Variants in SETBP1 observed in about 807,000 individuals in gnomAD.
SETBP1 encodes the protein SET binding protein 1, also known as SET-binding protein.
SETBP1 carries 9 observed loss-of-function variants against 101.0 expected under a neutral mutation model. The ratio of observed to expected loss-of-function variants is 0.09; its 90% CI spans 0.05 to 0.16. The LOEUF (loss-of-function observed/expected upper bound fraction) is 0.16, where lower values mean the gene tolerates loss of function less well. SETBP1 is among the 10% of genes least tolerant of loss of function. The pLI is 1.00. For missense variants in SETBP1, 1,858 were observed against 2,033.8 expected (o/e 0.91, Z 1.66); for synonymous variants, 818 against 788.5 (o/e 1.04, Z -0.63).
intron 2 of SETBP1, among the ~76,000 whole-genome samples, chr18:44,744,292 C>G (rs564821117): frequency 1.8e-4 from 27 of 152,358 alleles, no homozygotes; most frequent in Admixed American, 6.5e-4. Context: ...CCTGCTCCCC[C>G]CTTCCCTGCA....
chr18:44,959,391 A>G (rs938953486), intron 4 of SETBP1, among the ~76,000 whole-genome samples: 3 of 152,266 alleles, frequency 2.0e-5, no homozygotes, highest in Admixed American at 1.3e-4. Flanking sequence ...GGCTTGAGCC[A>G]GTATAGCACT....
At chr18:44,839,329 ACCCCGGGGGATGGGCAGACTGG>A in intron 2 of SETBP1, among the ~76,000 whole-genome samples, 1 of 152,224 alleles carries the variant, frequency 6.6e-6, no homozygotes, top group African/African-American at 2.4e-5. Context: ...CACTTCCGTC[ACCCCGGGGGATGGGCAGACTGG>A]TGTGTGAATG....
At chr18:44,697,913 T>C (rs765017060) in intron 1 of SETBP1, among the ~76,000 whole-genome samples, 8 of 152,186 alleles carry the variant, frequency 5.3e-5, no homozygotes, top group Non-Finnish European at 1.0e-4. Flanking sequence ...GGAACACCAA[T>C]TGCATGGCCG....
In SETBP1 at chr18:44,965,338, T is replaced by C. The variant is rs375687926; in HGVS notation, c.4000+11998T>C. 2.8e-3 allele frequency among the ~76,000 whole-genome samples: 418 copies of C among 149,134 alleles called. 3 individuals carry two copies. Among genetic ancestry groups the C allele is most frequent in the African/African-American group, 9.8e-3 (395 of 40,488 alleles). On this transcript the variant is annotated intron_variant, in intron 4 of 5. Transcript: ENST00000649279. ...AGATCACTCAGAACAAATCAAGTTA[T>C]GGATACTCTCATTGGTCAGTGTTGC...
chr18:44,953,179 T>A lies in SETBP1; in HGVS notation c.3839T>A (p.Val1280Glu). 1.2e-6 allele frequency: 2 copies of A among 1,614,024 alleles called. No individual in the cohort carries two copies. Among genetic ancestry groups the A allele is most frequent in the Non-Finnish European group, 1.7e-6 (2 of 1,180,004 alleles). ...AGCACGAGATCAGAGAACCTGGACGTGTTCAGTGAAATGAACCCTTCGAAT... is the reference window on the plus strand; with the variant it reads ...AGCACGAGATCAGAGAACCTGGACGAGTTCAGTGAAATGAACCCTTCGAAT... ...GGSTRSENLD[V>E]FSEMNPSNDK... Residue 1280 changes from valine (V) to glutamate (E), a missense_variant, in exon 4 of 6, where the codon GTG becomes GAG. This residue lies in a region of SETBP1 where 417 missense variants were observed against 389.1 expected (regional missense o/e 1.07). Transcript: ENST00000649279.
chr18:44,928,133 A>G (rs931988233), intron 3 of SETBP1, among the ~76,000 whole-genome samples: 6 of 152,114 alleles, frequency 3.9e-5, no homozygotes, highest in African/African-American at 9.7e-5. Flanking sequence ...CCTGTGTCCA[A>G]GTGTTCTCAT....
chr18:44,934,475 A>C (rs1468250935), intron 3 of SETBP1, among the ~76,000 whole-genome samples: 1 of 152,162 alleles, frequency 6.6e-6, no homozygotes, highest in East Asian at 1.9e-4. Context: ...GAAGTAGAGA[A>C]GATAAGTAAC....
At chr18:45,035,250 A>G (rs1015049792) in intron 4 of SETBP1, among the ~76,000 whole-genome samples, 3 of 152,188 alleles carry the variant, frequency 2.0e-5, no homozygotes, top group Admixed American at 1.3e-4. Context: ...TTATCCTTTC[A>G]AAATCCAAAA....
At chr18:45,024,593 T>G (rs2073128801) in intron 4 of SETBP1, among the ~76,000 whole-genome samples, 1 of 152,212 alleles carries the variant, frequency 6.6e-6, no homozygotes, top group African/African-American at 2.4e-5. Flanking sequence ...CAGACACAGT[T>G]ACTATTAAAA....
intron 2 of SETBP1, among the ~76,000 whole-genome samples, chr18:44,762,567 T>C (rs1340653862): frequency 6.6e-6 from 1 of 152,154 alleles, no homozygotes; most frequent in African/African-American, 2.4e-5. Context: ...GTTGACAGGG[T>C]ATATTGTGAA....
intron 4 of SETBP1, among the ~76,000 whole-genome samples, chr18:45,005,813 A>AT (rs901703640): frequency 1.3e-5 from 2 of 150,552 alleles, no homozygotes; most frequent in African/African-American, 4.9e-5. Flanking sequence ...CGCCCGGCTA[A>AT]TTTTTTGTAT....
At position 45,067,643 on chromosome 18, in the gene SETBP1, TC is replaced by T. The variant is rs1267486669; in HGVS notation, c.*3946del. On this transcript the variant is annotated 3_prime_UTR_variant, in exon 6 of 6. Coordinates refer to ENST00000649279, the MANE Select transcript of SETBP1 (RefSeq NM_015559.3). ...TAATGTCATCACAGTGCCTAGAAAC[TC>T]GAACTGTAATATATCGTAGCATTTT... 34 of 152,218 alleles carry T rather than the reference TC, an allele frequency of 2.2e-4. No individual in the cohort carries two copies. Among genetic ancestry groups the T allele is most frequent in the African/African-American group, 8.2e-4 (34 of 41,460 alleles). The allele number at this position is 152,218 out of a possible 1,614,324, so 9.4% of individuals were successfully genotyped here.
chr18:44,747,310 C>T (rs2070277787), intron 2 of SETBP1, among the ~76,000 whole-genome samples: 4 of 152,204 alleles, frequency 2.6e-5, no homozygotes, highest in Admixed American at 2.6e-4. Context: ...ACTATAGGCT[C>T]ACACTTCTGG....
At chr18:44,940,700 T>C (rs2071068697) in intron 3 of SETBP1, among the ~76,000 whole-genome samples, 1 of 152,218 alleles carries the variant, frequency 6.6e-6, no homozygotes, top group South Asian at 2.1e-4. Flanking sequence ...TTTCTACAAA[T>C]GTCATAAATC....
At chr18:44,984,156 G>A (rs2072177184) in intron 4 of SETBP1, among the ~76,000 whole-genome samples, 1 of 152,254 alleles carries the variant, frequency 6.6e-6, no homozygotes, top group South Asian at 2.1e-4. Context: ...AGCTGAGGTT[G>A]CACTCTAGCC....
chr18:44,764,269 C>G (rs973215988), intron 2 of SETBP1, among the ~76,000 whole-genome samples: 1 of 152,210 alleles, frequency 6.6e-6, no homozygotes, highest in Admixed American at 6.5e-5. Context: ...ATTTCTTCTG[C>G]CTGTAAGATT....
chr18:44,856,685 C>T (rs1180098342), intron 2 of SETBP1, among the ~76,000 whole-genome samples: 1 of 152,148 alleles, frequency 6.6e-6, no homozygotes, highest in Non-Finnish European at 1.5e-5. Context: ...TATTGCAAAA[C>T]TCTTGTAAAT....
chr18:44,720,901 A>T lies in SETBP1; in HGVS notation c.486+19069A>T, dbSNP rs1283928771. Reference sequence around the variant, plus strand: ...ACTAAGAAAGCAATGGAGCCCTCCAACCCCCACCCCCCACCCCAACCCCTT... The same window carrying T: ...ACTAAGAAAGCAATGGAGCCCTCCATCCCCCACCCCCCACCCCAACCCCTT... On this transcript the variant is annotated intron_variant, in intron 2 of 5. Coordinates refer to ENST00000649279, the MANE Select transcript of SETBP1 (RefSeq NM_015559.3). Among the ~76,000 whole-genome samples the T allele has an allele frequency of 5.5e-5, 5 of 90,402 alleles. No homozygotes were observed. The South Asian group carries it at 1.6e-3, about 29-fold the overall frequency. The allele number at this position is 90,402 out of a possible 152,430, so 59.3% of individuals were successfully genotyped here. A position where few individuals can be genotyped will look rare whatever the true frequency, so the allele number is the denominator to read the frequency against.
chr18:44,919,088 A>G (rs893360502), intron 3 of SETBP1, among the ~76,000 whole-genome samples: 3 of 152,248 alleles, frequency 2.0e-5, no homozygotes, highest in African/African-American at 7.2e-5. Flanking sequence ...CCACGAAAGC[A>G]TAGCCATGTC....
Sources: allele counts gnomAD v4.1 joint callset (sites outside exome capture counted in the v4.1 genomes callset), GRCh38; gene constraint gnomAD v4.1.1; regional missense constraint gnomAD v4.1.1; transcripts MANE v1.5; gene names NCBI Gene and HGNC (gene_info 2026-07-23, HGNC 2026-07-21).